Variants in EXT2 observed in about 807,000 individuals in gnomAD.
The protein encoded by EXT2 is exostosin glycosyltransferase 2, also known as exostosin-2.
In EXT2, 53 loss-of-function variants were observed where a neutral mutation model predicts 81.6. The ratio of observed to expected loss-of-function variants is 0.65; its 90% CI spans 0.52 to 0.82. EXT2 has a LOEUF of 0.82. Among genes scored for constraint, EXT2 ranks in the 40% least tolerant of loss-of-function variants. EXT2 has a pLI of 0.00. For missense variants in EXT2, 774 were observed against 910.2 expected, an observed-to-expected ratio of 0.85 and a Z score of 1.93; for synonymous variants, 320 against 340.0, an observed-to-expected ratio of 0.94 and a Z score of 0.65.
chr11:44,150,334 A>G (rs986531263), intron 7 of EXT2, among the ~76,000 whole-genome samples: 11 of 152,196 alleles, frequency 7.2e-5, no homozygotes, highest in African/African-American at 2.7e-4. Context: ...ATATGTGCCA[A>G]CTGGGTGGAG....
intron 8 of EXT2, among the ~76,000 whole-genome samples, chr11:44,184,382 C>A (rs1007692697): frequency 6.6e-6 from 1 of 152,164 alleles, no homozygotes; most frequent in Non-Finnish European, 1.5e-5. Context: ...AAAGTAAGTG[C>A]TCTTTCCACG....
rs375427123 is a variant in EXT2, at chr11:44,203,328, T to G, written c.1496-3465T>G. Among the ~76,000 whole-genome samples the G allele has an allele frequency of 3.4e-4, 52 of 152,244 alleles. 2 individuals are homozygous for G. In the East Asian group the frequency reaches 5.0e-3, roughly 15 times the overall value. The stretch of plus-strand genomic sequence containing the variant: ...ACTCTAAAGGTTACAGAAAATAAAC[T>G]TGGGAGAGCCCCTTCCCCAGCTAGA... On this transcript the variant is annotated intron_variant, in intron 9 of 13. Coordinates refer to ENST00000533608, the MANE Select transcript of EXT2 (RefSeq NM_207122.2).
At chr11:44,225,339 CACT>C (rs1205285105) in intron 10 of EXT2, among the ~76,000 whole-genome samples, 7 of 152,330 alleles carry the variant, frequency 4.6e-5, no homozygotes, top group African/African-American at 1.7e-4. Flanking sequence ...TGTGGAGTCT[CACT>C]AGTTTGCTGC....
rs374423910 is a variant in EXT2 at position 44,248,724 on chromosome 11, T to G, written c.*4437T>G. Among the ~76,000 whole-genome samples the G allele has an allele frequency of 9.7e-4, 147 of 152,288 alleles. 1 individual carries two copies. The highest frequency in any genetic ancestry group is 3.4e-3 in the African/African-American group (143 of 41,568). ...TCTTTTCCACCTCCATTAAATGGAC[T>G]GTTAGGGATGCCCAGCTTCCCCAAT... On this transcript the variant is annotated 3_prime_UTR_variant, in exon 14 of 14. Transcript: ENST00000533608.
At chr11:44,184,479 C>T (rs1237635928) in intron 8 of EXT2, among the ~76,000 whole-genome samples, 1 of 152,048 alleles carries the variant, frequency 6.6e-6, no homozygotes, top group Non-Finnish European at 1.5e-5. Context: ...GGGCCGGGCG[C>T]GGTGGCTCAC....
intron 6 of EXT2, among the ~76,000 whole-genome samples, chr11:44,129,585 A>C (rs1954460100): frequency 6.6e-6 from 1 of 152,234 alleles, no homozygotes; most frequent in East Asian, 1.9e-4. Context: ...TTGGGTTAGC[A>C]CATAATAGGG....
In EXT2 at chr11:44,202,072, G is replaced by C. The variant is rs116589067; in HGVS notation, c.1495+4054G>C. ...AATGGAGATGCCTTTTGCCAAAGCCGACTTTTGGCTACTCAGACCTAACTT... is the reference window on the plus strand; with the variant it reads ...AATGGAGATGCCTTTTGCCAAAGCCCACTTTTGGCTACTCAGACCTAACTT... On this transcript the variant is annotated intron_variant, in intron 9 of 13. Coordinates refer to ENST00000533608, the MANE Select transcript of EXT2 (RefSeq NM_207122.2). 7.9e-3 allele frequency among the ~76,000 whole-genome samples: 1,197 copies of C among 152,274 alleles called. 15 individuals are homozygous for C. The highest frequency in any genetic ancestry group is 0.027 in the African/African-American group (1,116 of 41,558).
intron 7 of EXT2, among the ~76,000 whole-genome samples, chr11:44,160,358 C>T (rs1349670385): frequency 6.6e-6 from 1 of 152,198 alleles, no homozygotes; most frequent in East Asian, 1.9e-4. Context: ...GATGTGACCT[C>T]ATTTGCTTGA....
intron 10 of EXT2, among the ~76,000 whole-genome samples, chr11:44,222,977 C>T (rs1489642557): frequency 6.6e-6 from 1 of 152,142 alleles, no homozygotes; most frequent in Non-Finnish European, 1.5e-5. Context: ...TGGGCAAAGG[C>T]CATGAACAGA....
At chr11:44,140,574 A>G (rs1043814383) in intron 7 of EXT2, among the ~76,000 whole-genome samples, 2 of 152,176 alleles carry the variant, frequency 1.3e-5, no homozygotes, top group South Asian at 4.1e-4. Context: ...GTTTGATGGG[A>G]GCTTCAAAAT....
chr11:44,237,234 A>G (rs1955976082), intron 13 of EXT2, among the ~76,000 whole-genome samples: 1 of 152,090 alleles, frequency 6.6e-6, no homozygotes, highest in Non-Finnish European at 1.5e-5. Flanking sequence ...TTCATTTCTG[A>G]AATCTGTCAG....
chr11:44,148,034 C>T (rs1042201993), intron 7 of EXT2, among the ~76,000 whole-genome samples: 4 of 152,026 alleles, frequency 2.6e-5, no homozygotes, highest in East Asian at 1.9e-4. Flanking sequence ...CATCTGTTTC[C>T]CTCCTGTCCT....
At chr11:44,124,449 AC>A (rs1187370346) in intron 4 of EXT2, among the ~76,000 whole-genome samples, 13 of 137,926 alleles carry the variant, frequency 9.4e-5, no homozygotes, top group African/African-American at 3.6e-4. Flanking sequence ...TCTCCTACAC[AC>A]ACACACACAC....
chr11:44,162,877 A>G (rs1212947239), intron 7 of EXT2, among the ~76,000 whole-genome samples: 2 of 152,360 alleles, frequency 1.3e-5, no homozygotes, highest in South Asian at 2.1e-4. Context: ...AGTGAAAAAA[A>G]GCCGTCTCAT....
At chr11:44,167,851 A>C (rs904228171) in intron 7 of EXT2, among the ~76,000 whole-genome samples, 1 of 152,126 alleles carries the variant, frequency 6.6e-6, no homozygotes, top group Admixed American at 6.5e-5. Flanking sequence ...TTTAGGGTAC[A>C]TGTGCACAGT....
intron 10 of EXT2, among the ~76,000 whole-genome samples, chr11:44,222,842 A>T (rs1176159285): frequency 6.6e-6 from 1 of 152,254 alleles, no homozygotes. Context: ...GGACAAAAAG[A>T]CAAGCTATAT....
chr11:44,197,772 G>T, intron 8 of EXT2, 57 bp from the exon 9 acceptor site: 5 of 1,576,948 alleles, frequency 3.2e-6, no homozygotes, highest in Non-Finnish European at 4.4e-6. Flanking sequence ...GACGATATTG[G>T]GTCAGCCATA....
At chr11:44,222,396 A>G (rs868182431) in intron 10 of EXT2, among the ~76,000 whole-genome samples, 1 of 152,220 alleles carries the variant, frequency 6.6e-6, no homozygotes, top group African/African-American at 2.4e-5. Context: ...TGCTTGACAC[A>G]TAGTAGCTGC....
At chr11:44,133,801 G>A (rs1324000725) in intron 7 of EXT2, among the ~76,000 whole-genome samples, 3 of 152,190 alleles carry the variant, frequency 2.0e-5, no homozygotes, top group African/African-American at 7.2e-5. Flanking sequence ...GAAGGTATTG[G>A]AGCAACATTT....
Sources: gnomAD v4.1 joint callset for allele counts (sites outside exome capture counted in the v4.1 genomes callset) on GRCh38, gnomAD v4.1.1 for gene constraint, MANE v1.5 for transcripts, NCBI Gene and HGNC (gene_info 2026-07-23, HGNC 2026-07-21) for gene names.